The following SYT9 variants were observed in gnomAD, a reference collection of about 807,000 sequenced individuals.
SYT9 encodes the protein synaptotagmin 9.
A neutral mutation model predicts 48.4 loss-of-function variants in SYT9; 22 were observed. That is an observed-to-expected ratio of 0.45 (90% CI 0.32 to 0.65). The LOEUF (loss-of-function observed/expected upper bound fraction) is 0.65, where lower values mean the gene tolerates loss of function less well. Ranked by LOEUF, SYT9 falls within the 30% of genes least tolerant of loss-of-function variation. The probability of loss-of-function intolerance (pLI) is 0.03; values close to 1 mark genes in which losing one functional copy is unlikely to be tolerated. For missense variants in SYT9, 577 were observed against 622.0 expected (o/e 0.93, Z 0.77); for synonymous variants, 265 against 245.0 (o/e 1.08, Z -0.76).
chr11:7,312,184 G>A (rs774778863), intron 2 of SYT9, among the ~76,000 whole-genome samples: 1 of 152,200 alleles, frequency 6.6e-6, no homozygotes, highest in Non-Finnish European at 1.5e-5. Flanking sequence ...TTAGGATAAA[G>A]AGGAATGCTC....
intron 1 of SYT9, among the ~76,000 whole-genome samples, chr11:7,266,361 G>A (rs1848181462): frequency 6.6e-6 from 1 of 152,068 alleles, no homozygotes; most frequent in Non-Finnish European, 1.5e-5. Context: ...CTATTTCAGA[G>A]GGAATCTACA....
intron 1 of SYT9, among the ~76,000 whole-genome samples, chr11:7,244,962 A>T (rs1847776434): frequency 1.3e-5 from 2 of 152,188 alleles, no homozygotes; most frequent in Admixed American, 1.3e-4. Context: ...CAGCTCAGGA[A>T]CTCTATTTCA....
intron 3 of SYT9, among the ~76,000 whole-genome samples, chr11:7,411,310 C>T (rs370064104): frequency 6.6e-5 from 10 of 152,086 alleles, no homozygotes; most frequent in African/African-American, 2.2e-4. Context: ...TTCTCTTCCT[C>T]ATTTGTGTGT....
upstream of SYT9, among the ~76,000 whole-genome samples, chr11:7,247,037 C>T (rs768535928): frequency 5.3e-5 from 8 of 152,316 alleles, no homozygotes; most frequent in African/African-American, 9.6e-5. Flanking sequence ...TTGCAGAGAG[C>T]TGCCTTCTCA....
intron 1 of SYT9, among the ~76,000 whole-genome samples, chr11:7,244,733 T>C (rs1384911440): frequency 1.3e-5 from 2 of 152,176 alleles, no homozygotes; most frequent in Admixed American, 6.5e-5. Flanking sequence ...AAATGACAAT[T>C]AATAGAAAGT....
At chr11:7,266,574 G>A (rs549841909) in intron 1 of SYT9, among the ~76,000 whole-genome samples, 6 of 152,160 alleles carry the variant, frequency 3.9e-5, no homozygotes, top group South Asian at 4.1e-4. Flanking sequence ...TAAAACTGCA[G>A]CTCTTTTCGA....
At chr11:7,463,864 A>C (rs910669914) in intron 6 of SYT9, among the ~76,000 whole-genome samples, 4 of 152,190 alleles carry the variant, frequency 2.6e-5, no homozygotes, top group Non-Finnish European at 5.9e-5. Flanking sequence ...ACACACAAGG[A>C]AATTCACCAA....
intron 1 of SYT9, among the ~76,000 whole-genome samples, chr11:7,239,631 C>T (rs12280654): frequency 5.3e-5 from 8 of 152,012 alleles, no homozygotes; most frequent in Admixed American, 1.3e-4. Context: ...GAGTAAGCAA[C>T]CAATACAGTC....
At chr11:7,396,239 CT>C (rs1564888928) in intron 3 of SYT9, among the ~76,000 whole-genome samples, 1 of 152,094 alleles carries the variant, frequency 6.6e-6, no homozygotes, top group African/African-American at 2.4e-5. Flanking sequence ...CCTCCTACTC[CT>C]GGTCTCCTGC....
intron 2 of SYT9, among the ~76,000 whole-genome samples, chr11:7,306,302 T>G (rs958805749): frequency 2.0e-5 from 3 of 152,194 alleles, no homozygotes; most frequent in Non-Finnish European, 4.4e-5. Context: ...AGATGAAAGT[T>G]CATCCTATTT....
chr11:7,413,609 C>T (rs898488006), intron 3 of SYT9, among the ~76,000 whole-genome samples: 3 of 152,182 alleles, frequency 2.0e-5, no homozygotes, highest in African/African-American at 7.2e-5. Context: ...ACATTGCTTC[C>T]ATTTCCTCTG....
At chr11:7,419,172 G>A (rs1847304338) in intron 5 of SYT9, among the ~76,000 whole-genome samples, 1 of 152,178 alleles carries the variant, frequency 6.6e-6, no homozygotes, top group Admixed American at 6.5e-5. Flanking sequence ...CCCAGTAGGG[G>A]ACATTGCCCA....
chr11:7,313,936 A>G lies in SYT9; in HGVS notation c.1039A>G (p.Thr347Ala), dbSNP rs1849194473. 2 of 1,609,622 alleles carry G rather than the reference A, an allele frequency of 1.2e-6. No individual in the cohort carries two copies. The highest frequency in any genetic ancestry group is 1.7e-5 in the Admixed American group (1 of 59,692). Residue 347 changes from threonine (T) to alanine (A), a missense_variant, in exon 3 of 7, where the codon ACC (threonine) becomes GCC (alanine). Thr to Ala is a moderately conservative substitution (Grantham distance 58). Transcript: ENST00000318881. ...CILWKDIEYVTNDNVDLGELM... is the reference protein window; with the variant it reads ...CILWKDIEYVANDNVDLGELM... ...CCTTTGGAAGGATATCGAATATGTC[A>G]CCAATGTGAGTCCAGCATTTCTTCA...
At chr11:7,316,813 A>G (rs998376499) in intron 3 of SYT9, among the ~76,000 whole-genome samples, 1 of 152,210 alleles carries the variant, frequency 6.6e-6, no homozygotes, top group Non-Finnish European at 1.5e-5. Context: ...CACACTGATC[A>G]ATGTATGTGT....
chr11:7,315,854 T>A (rs912931861), intron 3 of SYT9, among the ~76,000 whole-genome samples: 8 of 152,144 alleles, frequency 5.3e-5, no homozygotes, highest in African/African-American at 1.7e-4. Flanking sequence ...TTAAGGAGAA[T>A]GTGAAATTAT....
chr11:7,330,887 G>A (rs779402190), intron 3 of SYT9, among the ~76,000 whole-genome samples: 1 of 152,074 alleles, frequency 6.6e-6, no homozygotes, highest in Non-Finnish European at 1.5e-5. Flanking sequence ...AGTAGAGACA[G>A]GGTTTCACCA....
At chr11:7,421,640 C>CA (rs1847356410) in intron 6 of SYT9, among the ~76,000 whole-genome samples, 1 of 152,170 alleles carries the variant, frequency 6.6e-6, no homozygotes, top group African/African-American at 2.4e-5. Flanking sequence ...CCCTACTTAT[C>CA]TTTGCTCATT....
intron 3 of SYT9, among the ~76,000 whole-genome samples, chr11:7,391,671 T>C (rs1384594796): frequency 1.4e-5 from 2 of 139,134 alleles, no homozygotes; most frequent in South Asian, 2.2e-4. Flanking sequence ...AAGGCCAAGG[T>C]AGTCAGGTGA....
chr11:7,399,236 C>T (rs936370512), intron 3 of SYT9, among the ~76,000 whole-genome samples: 17 of 152,062 alleles, frequency 1.1e-4, no homozygotes, highest in African/African-American at 4.1e-4. Context: ...CCATATATGA[C>T]CTGAAGAAAC....
Sources: allele counts gnomAD v4.1 joint callset (sites outside exome capture counted in the v4.1 genomes callset), GRCh38; gene constraint gnomAD v4.1.1; transcripts MANE v1.5; gene names NCBI Gene and HGNC (gene_info 2026-07-23, HGNC 2026-07-21).